Variants in FBRSL1 observed in about 807,000 individuals in gnomAD.
The protein encoded by FBRSL1 is fibrosin-1-like protein.
In FBRSL1, 51 loss-of-function variants were observed where a neutral mutation model predicts 89.6. The observed-to-expected ratio is 0.57, with a 90% CI of 0.45 to 0.72. The LOEUF is 0.72. Ranked by LOEUF, FBRSL1 falls within the 30% of genes least tolerant of loss-of-function variation. FBRSL1 has a pLI of 0.00. For synonymous variants in FBRSL1, 779 were observed against 681.1 expected (o/e 1.14, Z -2.24); for missense variants, 1,618 against 1,451.8 (o/e 1.11, Z -1.86).
chr12:132,528,359 T>G (rs1271126650), intron 4 of FBRSL1, among the ~76,000 whole-genome samples: 1 of 152,070 alleles, frequency 6.6e-6, no homozygotes, highest in Non-Finnish European at 1.5e-5. Context: ...CCGGGCTGCT[T>G]CTTGGGGTCC....
chr12:132,570,126 ACCCCGCAGCCGCCACC>A lies in FBRSL1; in HGVS notation c.896_911del (p.Pro299ArgfsTer123). 6.8e-7 allele frequency: 1 copy of A among 1,473,426 alleles called. No individual in the cohort carries two copies. The highest frequency in any genetic ancestry group is 8.9e-7 in the Non-Finnish European group (1 of 1,121,018). The allele number at this position is 1,473,426 out of a possible 1,614,324, so 91.3% of individuals were successfully genotyped here. ...GGAACCCCCCGCCCCGCACCGCCAC[ACCCCGCAGCCGCCACC>A]CCCGCAGCCCCGCGGCCTGCTCCCG... On this transcript the variant is annotated frameshift_variant, in exon 7 of 19. Coordinates refer to ENST00000680143, the MANE Select transcript of FBRSL1 (RefSeq NM_001367871.1). LOFTEE classifies it high-confidence loss of function.
rs577305518 is a variant in FBRSL1, at chr12:132,562,758, C to T, written c.646-4723C>T. ...CCGGCGCGTGTGGGTGTGGCAGGCC[C>T]GCCTCGGCTCTTGCCATCTTACAGG... On this transcript the variant is annotated intron_variant, in intron 5 of 18. Transcript: ENST00000680143. Among the ~76,000 whole-genome samples the T allele has an allele frequency of 7.3e-3, 1,117 of 152,222 alleles. 10 individuals are homozygous for T. Among genetic ancestry groups the T allele is most frequent in the Middle Eastern group, 0.017 (5 of 294 alleles).
At chr12:132,498,480 C>A (rs991898930) in intron 1 of FBRSL1, among the ~76,000 whole-genome samples, 1 of 152,224 alleles carries the variant, frequency 6.6e-6, no homozygotes, top group South Asian at 2.1e-4. Flanking sequence ...GCCCTCCACT[C>A]TCATCCTACA....
intron 15 of FBRSL1, 35 bp downstream of exon 15, chr12:132,576,966 A>G (rs1320493504): frequency 1.3e-6 from 2 of 1,537,074 alleles, no homozygotes; most frequent in East Asian, 4.9e-5. Context: ...GGGGGCACAG[A>G]AACCTCCCGC....
chr12:132,583,699 C>G lies in FBRSL1; in HGVS notation c.2930C>G (p.Thr977Ser), dbSNP rs2040957183. Residue 977 changes from threonine to serine, a missense_variant, in exon 19 of 19, where the codon ACT becomes AGT. Physicochemically the swap from Thr to Ser is moderately conservative, Grantham distance 58. Coordinates refer to ENST00000680143, the MANE Select transcript of FBRSL1 (RefSeq NM_001367871.1). Reference sequence around the variant, plus strand: ...CCCGGGCCGCCGCGGAGCCGGACTACTCCGCTGGGGGGCCTCGGGCCGGGC... The same window carrying G: ...CCCGGGCCGCCGCGGAGCCGGACTAGTCCGCTGGGGGGCCTCGGGCCGGGC... Reference protein sequence around the residue: ...TPPGPPRSRTTPLGGLGPGEA... With the variant: ...TPPGPPRSRTSPLGGLGPGEA... 9 of 1,187,812 alleles carry G rather than the reference C, an allele frequency of 7.6e-6. No individual in the cohort carries two copies. Among genetic ancestry groups the G allele is most frequent in the South Asian group, 4.2e-5 (1 of 23,956 alleles). The allele number at this position is 1,187,812 out of a possible 1,614,324, so 73.6% of individuals were successfully genotyped here. A position where few individuals can be genotyped will look rare whatever the true frequency, so the allele number is the denominator to read the frequency against.
intron 5 of FBRSL1, chr12:132,552,317 G>T: frequency 6.4e-6 from 1 of 155,512 alleles, no homozygotes. Context: ...CTTGTTCTTG[G>T]GAACTGTGAG....
chr12:132,509,889 G>A (rs2034133995), intron 2 of FBRSL1: 1 of 1,231,362 alleles, frequency 8.1e-7, no homozygotes, highest in African/African-American at 1.6e-5. Context: ...CTTCCTCCCA[G>A]GACAGTGCTG....
chr12:132,571,374 C>T (rs2039997909), intron 9 of FBRSL1, 143 bp downstream of exon 9: 1 of 1,550,826 alleles, frequency 6.4e-7, no homozygotes, highest in Non-Finnish European at 8.7e-7. Context: ...GGCCTGGCGC[C>T]TCCCTGGGCC....
chr12:132,513,139 A>G (rs2034523683), intron 2 of FBRSL1, among the ~76,000 whole-genome samples: 1 of 152,238 alleles, frequency 6.6e-6, no homozygotes, highest in Non-Finnish European at 1.5e-5. Context: ...GGATTTGGCA[A>G]TGTTGAAATG....
chr12:132,584,268 A>AGAT lies in FBRSL1; in HGVS notation c.*491_*493dup, dbSNP rs1240044274. 2 of 152,192 alleles carry AGAT rather than the reference A, an allele frequency of 1.3e-5. No homozygotes were observed. 9.4% of individuals were successfully genotyped at this position (152,192 alleles called of 1,614,324 possible). On this transcript the variant is annotated 3_prime_UTR_variant, in exon 19 of 19. Transcript: ENST00000680143. The stretch of plus-strand genomic sequence containing the variant: ...CCTTGGTACTTGGAACCGAAGTTAC[A>AGAT]GATTATATTAAAATAATAATGTACA...
At chr12:132,493,044 C>T (rs191973147) in intron 1 of FBRSL1, among the ~76,000 whole-genome samples, 1 of 152,258 alleles carries the variant, frequency 6.6e-6, no homozygotes, top group African/African-American at 2.4e-5. Context: ...AAATGACCCA[C>T]GAGGAGGGCT....
chr12:132,492,600 G>C (rs1184628597), intron 1 of FBRSL1, among the ~76,000 whole-genome samples: 1 of 152,250 alleles, frequency 6.6e-6, no homozygotes, highest in Non-Finnish European at 1.5e-5. Flanking sequence ...AGGCCCACGT[G>C]TTTTGCCCGC....
chr12:132,534,869 AC>A lies in FBRSL1; in HGVS notation c.615+6884del. Among the ~76,000 whole-genome samples the A allele has an allele frequency of 2.0e-5, 3 of 152,210 alleles. No individual in the cohort carries two copies. In the East Asian group the frequency reaches 5.8e-4, roughly 29 times the overall value. The stretch of plus-strand genomic sequence containing the variant: ...GCCCAGGTTCTAGGGGAGGGGTTGG[AC>A]CCTGGCCTGGAGGGGCCTCATGAGT... On this transcript the variant is annotated intron_variant, in intron 4 of 18. Coordinates refer to ENST00000680143, the MANE Select transcript of FBRSL1 (RefSeq NM_001367871.1).
At chr12:132,537,966 G>A (rs1365346398) in intron 4 of FBRSL1, among the ~76,000 whole-genome samples, 4 of 152,170 alleles carry the variant, frequency 2.6e-5, no homozygotes, top group East Asian at 1.9e-4. Context: ...ACCACTGCAC[G>A]GAGAGCTCGG....
At chr12:132,536,272 ATGG>A (rs2036733994) in intron 4 of FBRSL1, among the ~76,000 whole-genome samples, 2 of 150,092 alleles carry the variant, frequency 1.3e-5, no homozygotes, top group East Asian at 2.0e-4. Context: ...TGTGTACATG[ATGG>A]TGTGTGAGTG....
intron 4 of FBRSL1, among the ~76,000 whole-genome samples, chr12:132,547,294 GA>G: frequency 6.6e-6 from 1 of 151,434 alleles, no homozygotes; most frequent in African/African-American, 2.4e-5. Context: ...TCTGCTTACT[GA>G]AAACGGAGAA....
chr12:132,522,509 A>C (rs2035448566), intron 2 of FBRSL1, among the ~76,000 whole-genome samples: 1 of 152,212 alleles, frequency 6.6e-6, no homozygotes, highest in Admixed American at 6.5e-5. Flanking sequence ...AGTGGAGTGC[A>C]GCTTGTAGGA....
In FBRSL1 at chr12:132,525,717, G is replaced by GTC; in HGVS notation, c.490-9_490-8dup. The GTC allele has an allele frequency of 6.5e-7, 1 of 1,542,016 alleles. No individual in the cohort carries two copies. The highest frequency in any genetic ancestry group is 8.8e-7 in the Non-Finnish European group (1 of 1,139,502). ...GAGGTGGGGGTTTGCCTGAGACAGT[G>GTC]TCTCTCTCTGTCCCAGATGAAGGTC... On this transcript the variant is annotated splice_polypyrimidine_tract_variant and intron_variant, in intron 2 of 18. Coordinates refer to ENST00000680143, the MANE Select transcript of FBRSL1 (RefSeq NM_001367871.1).
chr12:132,570,653 C>T lies in FBRSL1; in HGVS notation c.1213+113C>T. 6.3e-6 allele frequency: 6 copies of T among 956,950 alleles called. No homozygotes were observed. In the South Asian group the frequency reaches 1.1e-4, roughly 18 times the overall value. The allele number at this position is 956,950 out of a possible 1,614,324, so 59.3% of individuals were successfully genotyped here. ...TCCACCTGCTGTGGTCTCTGCGGAC[C>T]CTGCGCGCCTCTCTGAGTGGTTCCC... On this transcript the variant is annotated intron_variant, in intron 8 of 18. Coordinates refer to ENST00000680143, the MANE Select transcript of FBRSL1 (RefSeq NM_001367871.1).
Sources: allele counts gnomAD v4.1 joint callset (sites outside exome capture counted in the v4.1 genomes callset), GRCh38; gene constraint gnomAD v4.1.1; transcripts MANE v1.5; gene names NCBI Gene and HGNC (gene_info 2026-07-23, HGNC 2026-07-21).